FARSB: variants seen among roughly 807,000 people sequenced by gnomAD.
FARSB encodes phenylalanyl-tRNA synthetase subunit beta.
Under a neutral mutation model 69.6 loss-of-function variants are expected in FARSB, and 40 were observed. The observed-to-expected ratio is 0.57, with a 90% CI of 0.45 to 0.75. The LOEUF (loss-of-function observed/expected upper bound fraction) is 0.75, where lower values mean the gene tolerates loss of function less well. FARSB is among the 30% of genes least tolerant of loss of function. The pLI, the probability that FARSB is intolerant of heterozygous loss-of-function variation, is 0.00. For missense variants in FARSB, 632 were observed against 722.9 expected (o/e 0.87, Z 1.44); for synonymous variants, 235 against 247.2 (o/e 0.95, Z 0.46).
At chr2:222,593,044 G>A (rs12471295) in intron 16 of FARSB, among the ~76,000 whole-genome samples, 4,351 of 152,072 alleles carry the variant, frequency 0.029, 104 homozygotes, top group African/African-American at 0.065. Context: ...CATATATATA[G>A]TGTTCAATAC....
intron 16 of FARSB, among the ~76,000 whole-genome samples, chr2:222,586,151 C>T (rs1012946156): frequency 1.3e-5 from 2 of 152,226 alleles, no homozygotes; most frequent in Admixed American, 1.3e-4. Flanking sequence ...ATCAGACTAA[C>T]AGCGGATCTC....
chr2:222,599,469 T>C (rs1428937911), intron 16 of FARSB, among the ~76,000 whole-genome samples: 1 of 152,252 alleles, frequency 6.6e-6, no homozygotes, highest in Non-Finnish European at 1.5e-5. Context: ...TATGACTTGA[T>C]TAACATGTGT....
In FARSB at chr2:222,640,921, G is replaced by A. The variant is rs139430746; in HGVS notation, c.280C>T (p.Pro94Ser). The A allele has an allele frequency of 1.5e-5, 22 of 1,498,604 alleles. No homozygotes were observed. The African/African-American group carries it at 1.8e-4, about 12-fold the overall frequency. 92.8% of individuals were successfully genotyped at this position (1,498,604 alleles called of 1,614,324 possible). A position where few individuals can be genotyped will look rare whatever the true frequency, so the allele number is the denominator to read the frequency against. Residue 94 changes from proline to serine, a missense_variant, in exon 4 of 17, where the codon CCA (proline) becomes TCA (serine). Transcript: ENST00000281828. The stretch of plus-strand genomic sequence containing the variant: ...TCAGGCATTACCCGTTTATACACTG[G>A]AGCCTTTATCCTAAAATAATATTTA... ...LQVFKERIKA[P>S]VYKRVMPDGK...
Position 222,623,733 on chromosome 2 carries a change from G to T in FARSB, c.1171-3C>A. On this transcript the variant is annotated splice_region_variant and splice_polypyrimidine_tract_variant and intron_variant, in intron 12 of 16. Coordinates refer to ENST00000281828, the MANE Select transcript of FARSB (RefSeq NM_005687.5). ...TCAGTGAGCTTATTAAGAGGAAACT[G>T]AAAAAAAAAGCATCCACTTGATTTC... 6.4e-7 allele frequency: 1 copy of T among 1,557,456 alleles called. No homozygotes were observed. Among genetic ancestry groups the T allele is most frequent in the Non-Finnish European group, 8.8e-7 (1 of 1,141,956 alleles).
chr2:222,627,114 C>G (rs1691297537), intron 10 of FARSB, among the ~76,000 whole-genome samples: 1 of 152,178 alleles, frequency 6.6e-6, no homozygotes. Context: ...CTATGTCCAG[C>G]TAATCCCAAT....
chr2:222,587,517 C>A (rs1319888274), intron 16 of FARSB, among the ~76,000 whole-genome samples: 1 of 152,168 alleles, frequency 6.6e-6, no homozygotes, highest in African/African-American at 2.4e-5. Flanking sequence ...CAGAGCAGAA[C>A]TGAAGGAGCT....
chr2:222,646,477 A>G (rs1477950687), intron 2 of FARSB, among the ~76,000 whole-genome samples: 2 of 152,226 alleles, frequency 1.3e-5, no homozygotes, highest in African/African-American at 2.4e-5. Context: ...TTTGGCCACA[A>G]TATTGTGGAG....
intron 4 of FARSB, 104 bp from the exon 5 acceptor site, chr2:222,639,799 A>G (rs1205021559): frequency 1.3e-5 from 6 of 452,352 alleles, no homozygotes; most frequent in Admixed American, 4.0e-5. Flanking sequence ...ATACATTTTC[A>G]TTCAAACAAG....
chr2:222,580,852 G>C lies in FARSB; in HGVS notation c.1619-8830C>G, dbSNP rs1559188800. Among the ~76,000 whole-genome samples the C allele has an allele frequency of 2.0e-5, 3 of 152,268 alleles. 1 individual carries two copies. The Middle Eastern group carries it at 0.01, about 518-fold the overall frequency. On this transcript the variant is annotated intron_variant, in intron 16 of 16. Coordinates refer to ENST00000281828, the MANE Select transcript of FARSB (RefSeq NM_005687.5). Reference sequence around the variant, plus strand: ...CCTGAAAGGTGAGCGACAAAATATAGTGACTCGGAAGGGGGAAAATGAGGG... The same window carrying C: ...CCTGAAAGGTGAGCGACAAAATATACTGACTCGGAAGGGGGAAAATGAGGG...
rs371868621 is a variant in FARSB, at chr2:222,654,046, G to A, written c.58+1970C>T. ...TAAAACATCAGATGATAGTAAATAG[G>A]TTATAAATCTCACCATTTTTAAAAA... is the stretch of plus-strand genomic sequence containing the variant. On this transcript the variant is annotated intron_variant, in intron 1 of 16. Coordinates refer to ENST00000281828, the MANE Select transcript of FARSB (RefSeq NM_005687.5). Among the ~76,000 whole-genome samples the A allele has an allele frequency of 6.6e-5, 10 of 152,232 alleles. 1 individual carries two copies. In the East Asian group the frequency reaches 9.6e-4, roughly 15 times the overall value.
chr2:222,593,311 T>C (rs572173190), intron 16 of FARSB, among the ~76,000 whole-genome samples: 53 of 152,226 alleles, frequency 3.5e-4, no homozygotes, highest in Non-Finnish European at 7.4e-5. Flanking sequence ...TCTCATTGTG[T>C]TTTCTTGGGT....
chr2:222,645,894 T>C (rs1287806854), intron 2 of FARSB, among the ~76,000 whole-genome samples: 1 of 152,146 alleles, frequency 6.6e-6, no homozygotes, highest in Non-Finnish European at 1.5e-5. Context: ...CTCAGTTATG[T>C]CTACTAGGTG....
intron 5 of FARSB, among the ~76,000 whole-genome samples, chr2:222,638,941 T>C (rs1320176486): frequency 6.6e-6 from 1 of 152,218 alleles, no homozygotes; most frequent in Admixed American, 6.5e-5. Flanking sequence ...CAGTTTCCAT[T>C]AGGATTTTGA....
At chr2:222,603,692 T>TTA (rs200196874) in intron 15 of FARSB, among the ~76,000 whole-genome samples, 2 of 146,982 alleles carry the variant, frequency 1.4e-5, no homozygotes, top group South Asian at 2.1e-4. Flanking sequence ...TTATATATTA[T>TTA]TATATATATT....
intron 15 of FARSB, among the ~76,000 whole-genome samples, chr2:222,604,384 T>C (rs924377780): frequency 6.6e-6 from 1 of 152,226 alleles, no homozygotes. Flanking sequence ...TTGTTACTTA[T>C]GGAAAGTATA....
At chr2:222,627,697 A>G (rs1488885714) in intron 10 of FARSB, among the ~76,000 whole-genome samples, 1 of 152,258 alleles carries the variant, frequency 6.6e-6, no homozygotes, top group Non-Finnish European at 1.5e-5. Flanking sequence ...TGCTTCATAC[A>G]GTTATGTTTC....
chr2:222,646,171 T>G, intron 2 of FARSB, among the ~76,000 whole-genome samples: 1 of 152,322 alleles, frequency 6.6e-6, no homozygotes, highest in South Asian at 2.1e-4. Context: ...TTCTCCATAA[T>G]CCATCCTGTA....
chr2:222,591,151 G>A lies in FARSB; in HGVS notation c.1618+8777C>T, dbSNP rs1309808504. On this transcript the variant is annotated intron_variant, in intron 16 of 16. Coordinates refer to ENST00000281828, the MANE Select transcript of FARSB (RefSeq NM_005687.5). ...TTGCCTAGGAGTTGGAGGCTACAGC[G>A]AGCTATGATCATCAAGCCAGGGTGC... 4.0e-5 allele frequency among the ~76,000 whole-genome samples: 6 copies of A among 150,462 alleles called. 1 individual carries two copies. The highest frequency in any genetic ancestry group is 2.7e-4 in the Admixed American group (4 of 15,026).
intron 2 of FARSB, chr2:222,644,589 A>T: frequency 2.3e-6 from 1 of 438,990 alleles, no homozygotes; most frequent in South Asian, 1.6e-5. Flanking sequence ...AGATAATATA[A>T]TAACCGGAGA....
Sources: gnomAD v4.1 joint callset for allele counts (sites outside exome capture counted in the v4.1 genomes callset) on GRCh38, gnomAD v4.1.1 for gene constraint, MANE v1.5 for transcripts, NCBI Gene and HGNC (gene_info 2026-07-23, HGNC 2026-07-21) for gene names.